The following TSPAN13 variants were observed in gnomAD, a reference collection of about 807,000 sequenced individuals.
TSPAN13 encodes the protein tetraspanin-13.
TSPAN13 carries 18 observed loss-of-function variants against 26.9 expected under a neutral mutation model. That is an observed-to-expected ratio of 0.67 (90% CI 0.46 to 0.99). The LOEUF (loss-of-function observed/expected upper bound fraction) is 0.99. Among genes scored for constraint, TSPAN13 ranks in the 50% least tolerant of loss-of-function variants. TSPAN13 has a pLI of 0.00. For synonymous variants in TSPAN13, 116 were observed against 98.4 expected (o/e 1.18, Z -1.06); for missense variants, 201 against 249.6 (o/e 0.81, Z 1.31).
chr7:16,783,776 C>A lies in TSPAN13; in HGVS notation c.*285C>A. ...TGGCCTTTCTTAGCATTTTTACCTGCAGAAAAACTTTGTATGGTACCACTG... is the reference window on the plus strand; with the variant it reads ...TGGCCTTTCTTAGCATTTTTACCTGAAGAAAAACTTTGTATGGTACCACTG... On this transcript the variant is annotated 3_prime_UTR_variant, in exon 6 of 6. Transcript: ENST00000262067. 1 of 425,218 alleles carries A rather than the reference C, an allele frequency of 2.4e-6. No homozygotes were observed. Among genetic ancestry groups the A allele is most frequent in the Admixed American group, 3.7e-5 (1 of 26,718 alleles). The allele number at this position is 425,218 out of a possible 1,614,324, so 26.3% of individuals were successfully genotyped here. A position where few individuals can be genotyped will look rare whatever the true frequency, so the allele number is the denominator to read the frequency against.
At chr7:16,754,576 G>T (rs1467880191) in intron 1 of TSPAN13, among the ~76,000 whole-genome samples, 2 of 152,230 alleles carry the variant, frequency 1.3e-5, no homozygotes. Flanking sequence ...TCCGAAGTTT[G>T]TTTCGTGCTC....
intron 1 of TSPAN13, among the ~76,000 whole-genome samples, chr7:16,765,497 T>C (rs979067493): frequency 2.0e-5 from 3 of 152,254 alleles, no homozygotes; most frequent in Non-Finnish European, 2.9e-5. Context: ...AGTTTTGCCA[T>C]TGCCACTTTC....
chr7:16,761,791 T>C (rs988250215), intron 1 of TSPAN13, among the ~76,000 whole-genome samples: 2 of 150,874 alleles, frequency 1.3e-5, no homozygotes, highest in Non-Finnish European at 2.9e-5. Flanking sequence ...TGCATTGGCT[T>C]CCCAGAGTAC....
rs923889857 is a variant in TSPAN13, at chr7:16,777,241, T to C, written c.312+119T>C. 10 of 687,970 alleles carry C rather than the reference T, an allele frequency of 1.5e-5. No individual in the cohort carries two copies. The Admixed American group carries it at 2.3e-4, about 16-fold the overall frequency. The allele number at this position is 687,970 out of a possible 1,614,324, so 42.6% of individuals were successfully genotyped here. A position where few individuals can be genotyped will look rare whatever the true frequency, so the allele number is the denominator to read the frequency against. Reference sequence around the variant, plus strand: ...CTTGCACAGAATGCCACCTTCACTCTGGATAGCAAAACTCTCTTGTTCCCT... The same window carrying C: ...CTTGCACAGAATGCCACCTTCACTCCGGATAGCAAAACTCTCTTGTTCCCT... On this transcript the variant is annotated intron_variant, in intron 3 of 5. Transcript: ENST00000262067.
chr7:16,776,733 AGC>A (rs1784754058), intron 2 of TSPAN13, among the ~76,000 whole-genome samples: 1 of 152,196 alleles, frequency 6.6e-6, no homozygotes, highest in South Asian at 2.1e-4. Flanking sequence ...ATATTAAAAA[AGC>A]TTACATGTAT....
intron 1 of TSPAN13, among the ~76,000 whole-genome samples, chr7:16,765,354 T>G (rs1239001960): frequency 6.6e-6 from 1 of 152,162 alleles, no homozygotes; most frequent in Non-Finnish European, 1.5e-5. Context: ...TCCTCCTTCC[T>G]CGGCATCCCA....
intron 1 of TSPAN13, among the ~76,000 whole-genome samples, chr7:16,773,206 G>T (rs1321174232): frequency 1.3e-5 from 2 of 150,920 alleles, no homozygotes; most frequent in East Asian, 3.9e-4. Context: ...TTGTCCTATT[G>T]TAATTTTTCA....
At chr7:16,756,157 A>G (rs1160949391) in intron 1 of TSPAN13, among the ~76,000 whole-genome samples, 4 of 152,114 alleles carry the variant, frequency 2.6e-5, no homozygotes, top group Admixed American at 2.6e-4. Flanking sequence ...AAAATGTGCC[A>G]TGGCCATTAT....
chr7:16,761,660 C>T (rs1435605287), intron 1 of TSPAN13, among the ~76,000 whole-genome samples: 2 of 149,696 alleles, frequency 1.3e-5, no homozygotes, highest in Non-Finnish European at 3.0e-5. Flanking sequence ...GCTAGAACTA[C>T]AAGCATACTC....
At chr7:16,783,377 C>T (rs2115340827) in intron 5 of TSPAN13, 40 bp from the exon 6 acceptor site, 1 of 1,571,910 alleles carries the variant, frequency 6.4e-7, no homozygotes, top group South Asian at 1.1e-5. Context: ...ATAAATGTTA[C>T]TTTCTTTTTC....
chr7:16,765,699 T>G (rs1322128272), intron 1 of TSPAN13, among the ~76,000 whole-genome samples: 1 of 152,230 alleles, frequency 6.6e-6, no homozygotes, highest in Non-Finnish European at 1.5e-5. Flanking sequence ...TATAAAAACA[T>G]TACCAGCAAT....
At chr7:16,758,802 C>T (rs1708301241) in intron 1 of TSPAN13, among the ~76,000 whole-genome samples, 1 of 150,892 alleles carries the variant, frequency 6.6e-6, no homozygotes, top group South Asian at 2.1e-4. Flanking sequence ...CTGTGGGTTT[C>T]CTCTACCGTT....
At chr7:16,756,650 T>C (rs917112156) in intron 1 of TSPAN13, among the ~76,000 whole-genome samples, 2 of 152,198 alleles carry the variant, frequency 1.3e-5, no homozygotes, top group Non-Finnish European at 2.9e-5. Context: ...TATGGCTTGA[T>C]TATTTTAGTT....
chr7:16,782,233 T>A (rs1784820745), intron 5 of TSPAN13, among the ~76,000 whole-genome samples: 1 of 152,202 alleles, frequency 6.6e-6, no homozygotes, highest in Admixed American at 6.5e-5. Flanking sequence ...AGGCTTACCT[T>A]TCCTTGATTC....
chr7:16,761,641 T>C (rs1441998192), intron 1 of TSPAN13, among the ~76,000 whole-genome samples: 4 of 151,778 alleles, frequency 2.6e-5, no homozygotes, highest in Non-Finnish European at 5.9e-5. Flanking sequence ...CCTTCTCTCC[T>C]TCTGAGTAGC....
intron 5 of TSPAN13, among the ~76,000 whole-genome samples, chr7:16,781,453 C>T (rs552388524): frequency 2.0e-5 from 3 of 152,190 alleles, no homozygotes; most frequent in African/African-American, 4.8e-5. Flanking sequence ...AAAGTGCCCT[C>T]TTAATCATGA....
chr7:16,753,861 T>G lies in TSPAN13; in HGVS notation c.-107T>G. ...CCCGGCCCCCCACCCACGTCTGCGT[T>G]GCTGCCCCGCCTGGGCCAGGCCCCA... On this transcript the variant is annotated 5_prime_UTR_variant, in exon 1 of 6. Transcript: ENST00000262067. 8.0e-7 allele frequency: 1 copy of G among 1,248,066 alleles called. No homozygotes were observed. The highest frequency in any genetic ancestry group is 1.1e-6 in the Non-Finnish European group (1 of 872,800). 77.3% of individuals were successfully genotyped at this position (1,248,066 alleles called of 1,614,324 possible). A position where few individuals can be genotyped will look rare whatever the true frequency, so the allele number is the denominator to read the frequency against.
Sources: gnomAD v4.1 joint callset for allele counts (sites outside exome capture counted in the v4.1 genomes callset) on GRCh38, gnomAD v4.1.1 for gene constraint, MANE v1.5 for transcripts, NCBI Gene and HGNC (gene_info 2026-07-23, HGNC 2026-07-21) for gene names.